Variants in THSD7A observed in about 807,000 individuals in gnomAD.
THSD7A encodes the protein thrombospondin type-1 domain-containing protein 7A.
THSD7A carries 96 observed loss-of-function variants against 231.3 expected under a neutral mutation model. The ratio of observed to expected loss-of-function variants is 0.41; its 90% CI spans 0.35 to 0.49. THSD7A has a LOEUF of 0.49. Among genes scored for constraint, THSD7A ranks in the 20% least tolerant of loss-of-function variants. The pLI, the probability that THSD7A is intolerant of heterozygous loss-of-function variation, is 0.05. For synonymous variants in THSD7A, 940 were observed against 743.3 expected (o/e 1.26, Z -4.30); for missense variants, 2,290 against 2,070.2 (o/e 1.11, Z -2.06).
At chr7:11,627,526 A>T (rs2128356208) in intron 2 of THSD7A, among the ~76,000 whole-genome samples, 1 of 152,256 alleles carries the variant, frequency 6.6e-6, no homozygotes, top group Non-Finnish European at 1.5e-5. Context: ...CTGACATAAT[A>T]TAAATGCAAA....
chr7:11,375,825 G>C lies in THSD7A; in HGVS notation c.4943C>G (p.Thr1648Ser), dbSNP rs562380632. The change falls in exon 28 of 28, where the codon ACC (threonine) becomes AGC (serine). Residue 1648 changes from threonine to serine, a missense_variant. Coordinates refer to ENST00000423059, the MANE Select transcript of THSD7A (RefSeq NM_015204.3). Reference protein sequence around the residue: ...RRQNNRLKPLTLAYDGDADM With the variant: ...RRQNNRLKPLSLAYDGDADM The stretch of plus-strand genomic sequence containing the variant: ...GTCGGCATCTCCATCATAGGCTAAG[G>C]TTAAAGGTTTCAGTCGGTTGTTTTG... 1 of 1,612,798 alleles carries C rather than the reference G, an allele frequency of 6.2e-7. No homozygotes were observed. Among genetic ancestry groups the C allele is most frequent in the Admixed American group, 1.7e-5 (1 of 59,936 alleles).
rs117773318 is a variant in THSD7A, at chr7:11,812,629, A to G, written c.190+19128T>C. 3.5e-4 allele frequency among the ~76,000 whole-genome samples: 54 copies of G among 152,322 alleles called. 1 individual carries two copies. The East Asian group carries it at 9.9e-3, about 28-fold the overall frequency. ...TATCTCCCTGTGCTTGTGTGAAAAT[A>G]TTAAATGCAAACTTCAGTTATCACC... On this transcript the variant is annotated intron_variant, in intron 1 of 27. Transcript: ENST00000423059.
chr7:11,722,707 C>A (rs1025138730), intron 1 of THSD7A, among the ~76,000 whole-genome samples: 1 of 151,906 alleles, frequency 6.6e-6, no homozygotes, highest in Admixed American at 6.6e-5. Context: ...ATTTATGCAG[C>A]CAAAAGACAC....
At chr7:11,769,147 A>ATTT in intron 1 of THSD7A, among the ~76,000 whole-genome samples, 1 of 35,642 alleles carries the variant, frequency 2.8e-5, no homozygotes, top group African/African-American at 8.6e-5. Flanking sequence ...ATATATATAT[A>ATTT]TATATATTTT....
Position 11,374,514 on chromosome 7 carries a change from GAGAA to G in THSD7A, c.*1276_*1279del. On this transcript the variant is annotated 3_prime_UTR_variant, in exon 28 of 28. Transcript: ENST00000423059. ...TTCAATCTGAAACTGGGAAATCAGA[GAGAA>G]AGAAAAATCAACATATAATTTTGAT... is the stretch of plus-strand genomic sequence containing the variant. 1 of 151,990 alleles carries G rather than the reference GAGAA, an allele frequency of 6.6e-6. No individual in the cohort carries two copies. Among genetic ancestry groups the G allele is most frequent in the Non-Finnish European group, 1.5e-5 (1 of 67,974 alleles). The allele number at this position is 151,990 out of a possible 1,614,324, so 9.4% of individuals were successfully genotyped here.
intron 1 of THSD7A, among the ~76,000 whole-genome samples, chr7:11,686,876 G>C (rs1780074494): frequency 6.6e-6 from 1 of 151,740 alleles, no homozygotes; most frequent in African/African-American, 2.4e-5. Context: ...ACCACGTTTA[G>C]TACCTTGGTG....
intron 16 of THSD7A, among the ~76,000 whole-genome samples, chr7:11,422,471 G>C (rs1401048988): frequency 6.6e-6 from 1 of 151,944 alleles, no homozygotes; most frequent in Non-Finnish European, 1.5e-5. Flanking sequence ...CATGATTAGA[G>C]ATCGCAATCA....
intron 1 of THSD7A, among the ~76,000 whole-genome samples, chr7:11,657,834 G>C (rs886237851): frequency 6.6e-6 from 1 of 151,640 alleles, no homozygotes; most frequent in Non-Finnish European, 1.5e-5. Context: ...TAAATTCTTG[G>C]TGAACTGCAA....
At chr7:11,501,666 A>T (rs1787341347) in intron 6 of THSD7A, among the ~76,000 whole-genome samples, 1 of 152,208 alleles carries the variant, frequency 6.6e-6, no homozygotes, top group Non-Finnish European at 1.5e-5. Context: ...TAAAATGCCC[A>T]CATCAAAAAG....
chr7:11,721,723 G>T (rs1299852524), intron 1 of THSD7A, among the ~76,000 whole-genome samples: 5 of 151,684 alleles, frequency 3.3e-5, no homozygotes, highest in Non-Finnish European at 7.4e-5. Flanking sequence ...CTCTTTAATT[G>T]TTGCCATAGT....
intron 1 of THSD7A, among the ~76,000 whole-genome samples, chr7:11,793,266 AC>A (rs1784015149): frequency 6.6e-6 from 1 of 151,920 alleles, no homozygotes; most frequent in Non-Finnish European, 1.5e-5. Context: ...AAACAACAAA[AC>A]ATAACAATGG....
At chr7:11,747,767 G>A (rs1782359317) in intron 1 of THSD7A, among the ~76,000 whole-genome samples, 1 of 151,896 alleles carries the variant, frequency 6.6e-6, no homozygotes, top group Non-Finnish European at 1.5e-5. Flanking sequence ...TTCTTTGGAA[G>A]GCCATGGATA....
At position 11,401,413 on chromosome 7, in the gene THSD7A, A is replaced by ATTAT. The variant is rs557347456; in HGVS notation, c.4411+378_4411+381dup. Among the ~76,000 whole-genome samples, 106 of 152,096 alleles carry ATTAT rather than the reference A, an allele frequency of 7.0e-4. 2 individuals are homozygous for ATTAT. Among genetic ancestry groups the ATTAT allele is most frequent in the African/African-American group, 2.3e-3 (97 of 41,504 alleles). ...AAGTGACATCTGAGTAAATTTTTAA[A>ATTAT]TTATTTATTTATTTATTTTTGAGAT... On this transcript the variant is annotated intron_variant, in intron 23 of 27. Coordinates refer to ENST00000423059, the MANE Select transcript of THSD7A (RefSeq NM_015204.3).
At chr7:11,564,799 G>A (rs7805116) in intron 4 of THSD7A, among the ~76,000 whole-genome samples, 26,247 of 152,066 alleles carry the variant, frequency 0.17, 2,303 homozygotes, top group Middle Eastern at 0.2. Context: ...ATACAACTGT[G>A]CTATTTTTAA....
intron 15 of THSD7A, among the ~76,000 whole-genome samples, chr7:11,425,731 T>TACACACACACAC (rs3086973): frequency 0.025 from 3,602 of 145,724 alleles, 85 homozygotes; most frequent in East Asian, 0.059. Context: ...TCCCTTATTT[T>TACACACACACAC]ACACACACAC....
Position 11,382,846 on chromosome 7 carries a change from GT to G in THSD7A, c.4412-231del, listed in dbSNP as rs374313181. On this transcript the variant is annotated intron_variant, in intron 23 of 27. Transcript: ENST00000423059. ...GTCACACTACCTGGTGGGAACCTAG[GT>G]TTTTAATTTAATTTTTAAAAAATAT... Among the ~76,000 whole-genome samples, 167 of 151,370 alleles carry G rather than the reference GT, an allele frequency of 1.1e-3. 2 individuals carry two copies. Among genetic ancestry groups the G allele is most frequent in the African/African-American group, 3.9e-3 (163 of 41,280 alleles).
intron 1 of THSD7A, among the ~76,000 whole-genome samples, chr7:11,655,967 C>A (rs1782687949): frequency 6.6e-6 from 1 of 151,882 alleles, no homozygotes; most frequent in Admixed American, 6.6e-5. Flanking sequence ...CAGAGGCTGA[C>A]TTGAGGAACT....
chr7:11,492,207 G>C (rs1024522621), intron 6 of THSD7A, among the ~76,000 whole-genome samples: 2 of 151,944 alleles, frequency 1.3e-5, no homozygotes, highest in African/African-American at 4.8e-5. Context: ...GACTGGAAGA[G>C]GATGACTCTG....
intron 1 of THSD7A, among the ~76,000 whole-genome samples, chr7:11,755,694 T>C (rs1209078837): frequency 6.6e-6 from 1 of 152,100 alleles, no homozygotes; most frequent in African/African-American, 2.4e-5. Flanking sequence ...GGCTCTAGTG[T>C]TCCTGCTGTG....
Sources: allele counts gnomAD v4.1 joint callset (sites outside exome capture counted in the v4.1 genomes callset), GRCh38; gene constraint gnomAD v4.1.1; transcripts MANE v1.5; gene names NCBI Gene and HGNC (gene_info 2026-07-23, HGNC 2026-07-21).